CCDC7: variants seen among roughly 807,000 people sequenced by gnomAD.
The protein encoded by CCDC7 is coiled-coil domain containing 7, also known as coiled-coil domain-containing protein 7.
CCDC7 carries 183 observed loss-of-function variants against 196.9 expected under a neutral mutation model. The ratio of observed to expected loss-of-function variants is 0.93; its 90% confidence interval spans 0.82 to 1.05. The LOEUF (loss-of-function observed/expected upper bound fraction) is 1.05. CCDC7 is among the 50% of genes least tolerant of loss of function. CCDC7 has a pLI of 0.00. For missense variants in CCDC7, 1,540 were observed against 1,482.2 expected (o/e 1.04, Z -0.64); for synonymous variants, 525 against 484.6 (o/e 1.08, Z -1.10).
chr10:32,593,106 TC>T (rs747851328), intron 18 of CCDC7, among the ~76,000 whole-genome samples: 22 of 152,236 alleles, frequency 1.4e-4, no homozygotes, highest in Non-Finnish European at 2.6e-4. Context: ...TAGTTCTAGA[TC>T]CTTGAAGAAT....
chr10:32,747,602 G>GA (rs1052496765), intron 28 of CCDC7, among the ~76,000 whole-genome samples: 1 of 152,092 alleles, frequency 6.6e-6, no homozygotes, highest in African/African-American at 2.4e-5. Context: ...ACAAGCATAT[G>GA]AAAAAAATGC....
chr10:32,462,463 T>A (rs980533144), intron 3 of CCDC7, among the ~76,000 whole-genome samples: 3 of 152,078 alleles, frequency 2.0e-5, no homozygotes, highest in Non-Finnish European at 4.4e-5. Flanking sequence ...AAAAGAAAAA[T>A]TATTTTTAAA....
intron 21 of CCDC7, among the ~76,000 whole-genome samples, chr10:32,668,463 T>C (rs1362961446): frequency 6.6e-6 from 1 of 152,036 alleles, no homozygotes; most frequent in Admixed American, 6.6e-5. Context: ...TCAAAGGGAA[T>C]GCTTCCAGTT....
intron 33 of CCDC7, among the ~76,000 whole-genome samples, chr10:32,840,067 T>C (rs575211744): frequency 6.6e-6 from 1 of 151,926 alleles, no homozygotes; most frequent in South Asian, 2.1e-4. Context: ...AGAGCACAAA[T>C]AGACAATCTA....
chr10:32,839,445 C>T (rs1401876564), intron 33 of CCDC7, among the ~76,000 whole-genome samples: 2 of 151,802 alleles, frequency 1.3e-5, no homozygotes. Context: ...AGGGCTAGTC[C>T]AGCAGGAAAA....
chr10:32,544,452 C>A, intron 13 of CCDC7, 151 bp downstream of exon 14: 1 of 641,876 alleles, frequency 1.6e-6, no homozygotes, highest in Non-Finnish European at 2.3e-6. Context: ...TAAAATTCTT[C>A]CTGAGATAAT....
intron 20 of CCDC7, among the ~76,000 whole-genome samples, chr10:32,655,833 C>T (rs1417252492): frequency 1.3e-5 from 2 of 152,186 alleles, no homozygotes; most frequent in Non-Finnish European, 2.9e-5. Flanking sequence ...AGGCATTAGC[C>T]ACGATGTCTG....
intron 18 of CCDC7, among the ~76,000 whole-genome samples, chr10:32,606,388 C>T (rs1006137065): frequency 9.2e-5 from 14 of 152,228 alleles, no homozygotes; most frequent in Admixed American, 9.2e-4. Flanking sequence ...CAACAGGGTA[C>T]TGCCTAGTGG....
At position 32,726,018 on chromosome 10, in the gene CCDC7, C is replaced by T. The variant is rs535612774; in HGVS notation, c.2570-716C>T. ...CATTCCTTCTCTTTGTATTCCCATC[C>T]TTTTTCCTGCCCTGTTGTCTTGTAG... On this transcript the variant is annotated intron_variant, in intron 25 of 41. Coordinates refer to ENST00000639629, the Ensembl canonical transcript of CCDC7. Among the ~76,000 whole-genome samples, 32 of 152,196 alleles carry T rather than the reference C, an allele frequency of 2.1e-4. 1 individual carries two copies. In the South Asian group the frequency reaches 6.4e-3, roughly 31 times the overall value.
intron 21 of CCDC7, among the ~76,000 whole-genome samples, chr10:32,672,937 T>G (rs1422261671): frequency 2.6e-5 from 4 of 152,154 alleles, no homozygotes; most frequent in Non-Finnish European, 4.4e-5. Flanking sequence ...CTTTCCTACC[T>G]TATTTATTTT....
intron 41 of CCDC7, among the ~76,000 whole-genome samples, chr10:32,857,179 A>G (rs549034138): frequency 6.6e-6 from 1 of 152,306 alleles, no homozygotes; most frequent in South Asian, 2.1e-4. Flanking sequence ...AATGAGAGCC[A>G]CTGCACTTTG....
At chr10:32,767,803 GAT>G (rs1271450251) in intron 28 of CCDC7, among the ~76,000 whole-genome samples, 10 of 152,258 alleles carry the variant, frequency 6.6e-5, no homozygotes, top group Middle Eastern at 6.8e-3. Context: ...GCAAAATGGA[GAT>G]ATGTGACCTC....
chr10:32,720,472 AGAT>A (rs2082248646), intron 25 of CCDC7, among the ~76,000 whole-genome samples: 1 of 152,136 alleles, frequency 6.6e-6, no homozygotes, highest in Non-Finnish European at 1.5e-5. Flanking sequence ...TACCTAACGT[AGAT>A]GATGGGTTGA....
At chr10:32,636,870 C>A (rs1471854520) in intron 20 of CCDC7, among the ~76,000 whole-genome samples, 1 of 152,126 alleles carries the variant, frequency 6.6e-6, no homozygotes, top group Non-Finnish European at 1.5e-5. Flanking sequence ...TGCTATTTCT[C>A]CACATCCTCT....
intron 29 of CCDC7, among the ~76,000 whole-genome samples, chr10:32,795,302 G>C (rs1428359331): frequency 2.0e-5 from 3 of 151,928 alleles, no homozygotes; most frequent in Non-Finnish European, 4.4e-5. Flanking sequence ...TTTTCAATTA[G>C]GTTTTCTTCA....
intron 31 of CCDC7, 115 bp downstream of exon 32, chr10:32,814,568 A>G: frequency 4.5e-6 from 3 of 669,942 alleles, no homozygotes; most frequent in Non-Finnish European, 7.7e-6. Context: ...CATAGGCAAA[A>G]GTCTTTATGA....
At chr10:32,471,031 T>C in intron 5 of CCDC7, 33 bp from the exon 7 acceptor site, 1 of 1,522,308 alleles carries the variant, frequency 6.6e-7, no homozygotes, top group Non-Finnish European at 8.8e-7. Context: ...AAATGGGTAT[T>C]TACTAAATAA....
intron 28 of CCDC7, among the ~76,000 whole-genome samples, chr10:32,733,026 G>T (rs951645327): frequency 1.3e-5 from 2 of 151,984 alleles, no homozygotes; most frequent in Admixed American, 1.3e-4. Flanking sequence ...CTGATATTTT[G>T]TGGGTTAATA....
chr10:32,544,354 TAGTCATATATAGAGA>T, intron 13 of CCDC7, 53 bp downstream of exon 14: 1 of 1,525,840 alleles, frequency 6.6e-7, no homozygotes, highest in Non-Finnish European at 8.9e-7. Flanking sequence ...CTTGCTCTGA[TAGTCATATATAGAGA>T]AACATTATTA....
Sources: allele counts gnomAD v4.1 joint callset (sites outside exome capture counted in the v4.1 genomes callset), GRCh38; gene constraint gnomAD v4.1.1; transcripts MANE v1.5; gene names NCBI Gene and HGNC (gene_info 2026-07-23, HGNC 2026-07-21).